DYNC1H1: variants seen among roughly 807,000 people sequenced by gnomAD.
DYNC1H1 encodes the protein cytoplasmic dynein 1 heavy chain 1.
DYNC1H1 carries 51 observed loss-of-function variants against 527.1 expected under a neutral mutation model. The ratio of observed to expected loss-of-function variants is 0.10; its 90% CI spans 0.08 to 0.12. The LOEUF (loss-of-function observed/expected upper bound fraction) is 0.12. Among genes scored for constraint, DYNC1H1 ranks in the 10% least tolerant of loss-of-function variants. The probability of loss-of-function intolerance (pLI) is 1.00; values close to 1 mark genes in which losing one functional copy is unlikely to be tolerated. For missense variants in DYNC1H1, 2,771 were observed against 5,971.8 expected (o/e 0.46, Z 17.66); for synonymous variants, 2,189 against 2,278.8 (o/e 0.96, Z 1.12).
chr14:102,011,059 G>A lies in DYNC1H1; in HGVS notation c.6618+107G>A. 8.3e-6 allele frequency: 10 copies of A among 1,200,298 alleles called. No homozygotes were observed. The highest frequency in any genetic ancestry group is 9.9e-6 in the Non-Finnish European group (8 of 809,130). The allele number at this position is 1,200,298 out of a possible 1,614,324, so 74.4% of individuals were successfully genotyped here. ...CGATGAAACTGTCCACAAAGGCTGTGGAGGTGCATAATATGCTTTATGAAG... is the reference window on the plus strand; with the variant it reads ...CGATGAAACTGTCCACAAAGGCTGTAGAGGTGCATAATATGCTTTATGAAG... On this transcript the variant is annotated intron_variant, in intron 32 of 77. Transcript: ENST00000360184. This position sits in a 1 kb window ranked among gnomAD's most constrained non-coding sequence, Gnocchi z 5.3.
At chr14:102,024,692 C>CTTTTT (rs541855664) in intron 43 of DYNC1H1, among the ~76,000 whole-genome samples, 8 of 109,494 alleles carry the variant, frequency 7.3e-5, no homozygotes, top group East Asian at 5.1e-4. Context: ...TTTTTTAACT[C>CTTTTT]TTTTTTTTTT....
rs544608488 is a variant in DYNC1H1, at chr14:102,050,136, G to A, written c.13750G>A (p.Ala4584Thr). The A allele has an allele frequency of 2.3e-5, 37 of 1,603,430 alleles. No homozygotes were observed. The highest frequency in any genetic ancestry group is 1.7e-4 in the Middle Eastern group (1 of 6,058). ...KLSLSNAIST[A>T]LPLTQLRWVK... ...GTCACTGTCCAATGCCATCTCAACC[G>A]CCCTTCCCCTGACGCAGCTGCGCTG... The change falls in exon 77 of 78, where the codon GCC (alanine) becomes ACC (threonine). Residue 4584 changes from alanine (A) to threonine (T), a missense_variant. Transcript: ENST00000360184.
At chr14:101,967,979 G>A (rs2047686339) in intron 1 of DYNC1H1, among the ~76,000 whole-genome samples, 1 of 152,190 alleles carries the variant, frequency 6.6e-6, no homozygotes, top group Non-Finnish European at 1.5e-5. Flanking sequence ...TATAGTTCCT[G>A]GCCTGTAGGA....
In DYNC1H1 at chr14:101,980,350, T is replaced by A. The variant is rs1219013973; in HGVS notation, c.775-14T>A. 2.5e-6 allele frequency: 4 copies of A among 1,613,870 alleles called. No individual in the cohort carries two copies. In the South Asian group the frequency reaches 4.4e-5, roughly 18 times the overall value. Reference sequence around the variant, plus strand: ...AAATAGTGAATACCCTTGGGTGTTATTTTATTTTCAAAGGTGACCAAACTG... The same window carrying A: ...AAATAGTGAATACCCTTGGGTGTTAATTTATTTTCAAAGGTGACCAAACTG... On this transcript the variant is annotated splice_polypyrimidine_tract_variant and intron_variant, in intron 4 of 77. Coordinates refer to ENST00000360184, the MANE Select transcript of DYNC1H1 (RefSeq NM_001376.5).
chr14:102,040,165 C>CT, intron 62 of DYNC1H1, 71 bp from the exon 63 acceptor site: 1 of 1,594,452 alleles, frequency 6.3e-7, no homozygotes, highest in Non-Finnish European at 8.6e-7. Flanking sequence ...TTTCTTAAAT[C>CT]ACAGCTGTTA....
rs745509545 is a variant in DYNC1H1, at chr14:102,001,600, C to A, written c.4461C>A (p.Ile1487=). The change falls in exon 21 of 78, where the codon ATC becomes ATA. Residue 1487 remains isoleucine (I), a synonymous_variant. Transcript: ENST00000360184. This position sits in a 1 kb window ranked among gnomAD's most constrained non-coding sequence, Gnocchi z 5.0. ...LVNYQNKCRL[I]RGWDDLFNKV... is the part of the protein sequence containing the mutation. ...ATTATCAGAACAAGTGCCGCTTGAT[C>A]CGTGGCTGGGATGACCTCTTCAACA... 1.9e-6 allele frequency: 3 copies of A among 1,614,012 alleles called. No individual in the cohort carries two copies. Among genetic ancestry groups the A allele is most frequent in the East Asian group, 4.5e-5 (2 of 44,898 alleles).
chr14:102,004,821 A>G lies in DYNC1H1; in HGVS notation c.5109A>G (p.Thr1703=). The stretch of plus-strand genomic sequence containing the variant: ...ATCCCAAAATCAATGAGTGGCTCAC[A>G]TTGGTAGAAAAGGAGATGAGAGTCA... ...TEHPKINEWL[T]LVEKEMRVTL... The change falls in exon 25 of 78, where the codon ACA becomes ACG. Residue 1703 remains threonine (T), a synonymous_variant. Transcript: ENST00000360184. The G allele has an allele frequency of 6.2e-6, 10 of 1,614,214 alleles. No individual in the cohort carries two copies. Among genetic ancestry groups the G allele is most frequent in the Non-Finnish European group, 7.6e-6 (9 of 1,180,040 alleles).
chr14:101,969,148 G>T (rs983687074), intron 1 of DYNC1H1, among the ~76,000 whole-genome samples: 3 of 151,546 alleles, frequency 2.0e-5, no homozygotes, highest in Admixed American at 6.6e-5. Context: ...CTCCCAAGTA[G>T]CTGGGACTAC....
At chr14:101,970,473 GTTTTTTTTTT>G (rs958653217) in intron 1 of DYNC1H1, among the ~76,000 whole-genome samples, 2 of 81,436 alleles carry the variant, frequency 2.5e-5, no homozygotes, top group African/African-American at 9.2e-5. Context: ...GTTTGTTGTT[GTTTTTTTTTT>G]TTTTTTTTTT....
At position 102,053,751 on chromosome 14, in the gene DYNC1H1, GTT is replaced by G. The variant is rs952994047; in HGVS notation, c.*3202_*3203del. The G allele has an allele frequency of 9.3e-5, 11 of 118,188 alleles. No individual in the cohort carries two copies. Among genetic ancestry groups the G allele is most frequent in the East Asian group, 2.8e-4 (1 of 3,586 alleles). 7.3% of individuals were successfully genotyped at this position (118,188 alleles called of 1,614,324 possible). ...GCCACCACACTCGGCCTCTTTGTTT[GTT>G]TTTTTTTTTTTTTGAGACAGTCTGG... is the stretch of plus-strand genomic sequence containing the variant. On this transcript the variant is annotated 3_prime_UTR_variant, in exon 78 of 78. Transcript: ENST00000360184.
intron 4 of DYNC1H1, 75 bp from the exon 5 acceptor site, chr14:101,980,289 A>G (rs890396833): frequency 2.6e-5 from 40 of 1,536,874 alleles, no homozygotes; most frequent in Non-Finnish European, 3.4e-5. Flanking sequence ...GTTGTAATGC[A>G]TGTGTTTTGT....
Position 102,016,090 on chromosome 14 carries a change from AG to A in DYNC1H1, c.7473+9del. 1.3e-6 allele frequency: 2 copies of A among 1,596,634 alleles called. No homozygotes were observed. Among genetic ancestry groups the A allele is most frequent in the South Asian group, 1.1e-5 (1 of 88,792 alleles). On this transcript the variant is annotated splice_donor_5th_base_variant and intron_variant, in intron 36 of 77. Transcript: ENST00000360184. The surrounding 1 kb of genome is among the most constrained non-coding windows in gnomAD (Gnocchi z 7.3). ...GCAGCTGGAGCGCTACATTCAGGTC[AG>A]GGGGCATCAGGGGCTTCACAGAGCT...
At position 102,044,162 on chromosome 14, in the gene DYNC1H1, C is replaced by T; in HGVS notation, c.12685-112C>T. The T allele has an allele frequency of 6.3e-7, 1 of 1,583,986 alleles. No homozygotes were observed. The highest frequency in any genetic ancestry group is 1.1e-5 in the South Asian group (1 of 88,662). ...AGAGCGAGCTGACCCCTCGTGACCG[C>T]CAAAGCCTAGCTGGCCATGGGGAGT... On this transcript the variant is annotated intron_variant, in intron 70 of 77. Transcript: ENST00000360184. The surrounding 1 kb of genome is among the most constrained non-coding windows in gnomAD (Gnocchi z 7.1).
intron 11 of DYNC1H1, among the ~76,000 whole-genome samples, chr14:101,993,563 C>T (rs771500963): frequency 6.6e-5 from 10 of 152,260 alleles, no homozygotes; most frequent in Non-Finnish European, 1.5e-4. Context: ...TCAAACATGC[C>T]GGTAGACTCT....
At chr14:102,021,331 C>T (rs1458412026) in intron 42 of DYNC1H1, among the ~76,000 whole-genome samples, 1 of 152,192 alleles carries the variant, frequency 6.6e-6, no homozygotes, top group Admixed American at 6.5e-5. Context: ...GAGCCATGAT[C>T]GTGCCACTGC....
chr14:102,036,819 T>G lies in DYNC1H1; in HGVS notation c.10908+177T>G. On this transcript the variant is annotated intron_variant, in intron 57 of 77. Transcript: ENST00000360184. The surrounding 1 kb of genome is among the most constrained non-coding windows in gnomAD (Gnocchi z 5.6). The stretch of plus-strand genomic sequence containing the variant: ...TCATTATTTGCATTTAAAATTCTAT[T>G]CAGTGGTCGGGCGAGGTGGCTCACA... 1 of 921,802 alleles carries G rather than the reference T, an allele frequency of 1.1e-6. No homozygotes were observed. The highest frequency in any genetic ancestry group is 1.6e-6 in the Non-Finnish European group (1 of 610,544). The allele number at this position is 921,802 out of a possible 1,614,324, so 57.1% of individuals were successfully genotyped here.
At chr14:101,988,896 C>T (rs778440312) in intron 10 of DYNC1H1, 44 bp downstream of exon 10, 2 of 1,612,406 alleles carry the variant, frequency 1.2e-6, no homozygotes, top group African/African-American at 2.7e-5. Context: ...AGTGAAATAA[C>T]AAAACTCTCT....
Position 101,983,321 on chromosome 14 carries a change from C to T in DYNC1H1, c.1233+31C>T, listed in dbSNP as rs1048215794. On this transcript the variant is annotated intron_variant, in intron 6 of 77. Transcript: ENST00000360184. The surrounding 1 kb of genome is among the most constrained non-coding windows in gnomAD (Gnocchi z 5.3). ...TTTGAATATATAAGACAACCAACCTCAAGACATTGAGATGAAAATATGTCT... is the reference window on the plus strand; with the variant it reads ...TTTGAATATATAAGACAACCAACCTTAAGACATTGAGATGAAAATATGTCT... 3.1e-6 allele frequency: 5 copies of T among 1,614,012 alleles called. No individual in the cohort carries two copies. The African/African-American group carries it at 4.0e-5, about 13-fold the overall frequency.
chr14:102,019,755 C>A, intron 41 of DYNC1H1, 138 bp from the exon 42 acceptor site: 1 of 1,121,544 alleles, frequency 8.9e-7, no homozygotes, highest in Non-Finnish European at 1.3e-6. Context: ...GCACCCACCA[C>A]CATGTCCAGC....
Sources: gnomAD v4.1 joint callset for allele counts (sites outside exome capture counted in the v4.1 genomes callset) on GRCh38, gnomAD v4.1.1 for gene constraint, Gnocchi (gnomAD v3.1) non-coding constraint, MANE v1.5 for transcripts, NCBI Gene and HGNC (gene_info 2026-07-23, HGNC 2026-07-21) for gene names.